RAP1GDS1: variants seen among roughly 807,000 people sequenced by gnomAD.
The protein encoded by RAP1GDS1 is RAP1, GTP-GDP dissociation stimulator 1.
In RAP1GDS1, 35 loss-of-function variants were observed where a neutral mutation model predicts 71.1. The ratio of observed to expected loss-of-function variants is 0.49; its 90% CI spans 0.38 to 0.65. The LOEUF (loss-of-function observed/expected upper bound fraction) is 0.65, where lower values mean the gene tolerates loss of function less well. RAP1GDS1 is among the 30% of genes least tolerant of loss of function. The probability of loss-of-function intolerance (pLI) is 0.00; values close to 1 mark genes in which losing one functional copy is unlikely to be tolerated. For missense variants in RAP1GDS1, 663 were observed against 706.1 expected, an observed-to-expected ratio of 0.94 and a Z score of 0.69; for synonymous variants, 229 against 243.1, an observed-to-expected ratio of 0.94 and a Z score of 0.54.
intron 6 of RAP1GDS1, among the ~76,000 whole-genome samples, chr4:98,403,831 A>G (rs750816303): frequency 1.3e-5 from 2 of 152,210 alleles, no homozygotes; most frequent in East Asian, 1.9e-4. Flanking sequence ...TTAGTAATGC[A>G]TGTGAGTTGA....
chr4:98,357,558 A>G (rs1161973682), intron 4 of RAP1GDS1, among the ~76,000 whole-genome samples: 1 of 151,938 alleles, frequency 6.6e-6, no homozygotes, highest in Non-Finnish European at 1.5e-5. Context: ...ATATGCCATT[A>G]AAGAGCTTTT....
At position 98,428,709 on chromosome 4, in the gene RAP1GDS1, C is replaced by A. The variant is rs565425135; in HGVS notation, c.1441-5227C>A. Among the ~76,000 whole-genome samples, 117 of 152,192 alleles carry A rather than the reference C, an allele frequency of 7.7e-4. 1 individual carries two copies. The highest frequency in any genetic ancestry group is 1.2e-3 in the Admixed American group (18 of 15,294). ...AAAATAATAGATGTTGGCATGGATG[C>A]AGTGAATAGGGAATACTTCTACACT... On this transcript the variant is annotated intron_variant, in intron 12 of 14. Transcript: ENST00000408927.
chr4:98,345,388 T>A (rs1736078922), intron 3 of RAP1GDS1, among the ~76,000 whole-genome samples: 1 of 152,228 alleles, frequency 6.6e-6, no homozygotes, highest in Admixed American at 6.5e-5. Flanking sequence ...CTTTAAAAAT[T>A]AACACACCTT....
intron 4 of RAP1GDS1, among the ~76,000 whole-genome samples, chr4:98,377,186 G>A (rs1287576416): frequency 1.3e-5 from 2 of 151,780 alleles, no homozygotes; most frequent in African/African-American, 2.4e-5. Context: ...TATTTCAAAA[G>A]CCCAGTTTAC....
intron 1 of RAP1GDS1, among the ~76,000 whole-genome samples, chr4:98,290,435 TAA>T (rs1041729362): frequency 6.6e-6 from 1 of 152,122 alleles, no homozygotes; most frequent in Non-Finnish European, 1.5e-5. Flanking sequence ...ATTTAAATAT[TAA>T]AACAGCATCA....
chr4:98,306,684 G>C (rs1578377579), intron 2 of RAP1GDS1, among the ~76,000 whole-genome samples: 1 of 152,218 alleles, frequency 6.6e-6, no homozygotes, highest in Non-Finnish European at 1.5e-5. Context: ...AAAGAAAATA[G>C]CTTTAAGTAA....
intron 2 of RAP1GDS1, among the ~76,000 whole-genome samples, chr4:98,321,687 A>G (rs1731933948): frequency 7.2e-6 from 1 of 138,058 alleles, no homozygotes; most frequent in Non-Finnish European, 1.6e-5. Flanking sequence ...TAAGTGAAGG[A>G]GAAATAAAAT....
At chr4:98,308,170 GTGTA>G (rs1022340762) in intron 2 of RAP1GDS1, among the ~76,000 whole-genome samples, 6 of 150,694 alleles carry the variant, frequency 4.0e-5, no homozygotes, top group African/African-American at 1.2e-4. Context: ...GTGTGTGTGT[GTGTA>G]TGTATGTGTA....
intron 5 of RAP1GDS1, among the ~76,000 whole-genome samples, chr4:98,381,875 A>G (rs552570414): frequency 6.6e-6 from 1 of 151,658 alleles, no homozygotes; most frequent in Middle Eastern, 3.4e-3. Flanking sequence ...AAATCCACCA[A>G]CATAGTTTCC....
intron 5 of RAP1GDS1, among the ~76,000 whole-genome samples, chr4:98,386,085 A>G (rs1486988643): frequency 2.0e-5 from 3 of 151,938 alleles, no homozygotes; most frequent in Admixed American, 2.0e-4. Flanking sequence ...AACTTAAAAG[A>G]CCAGTTTTTT....
Position 98,286,886 on chromosome 4 carries a change from T to TAA in RAP1GDS1, c.5-6499_5-6498dup, listed in dbSNP as rs778410316. The stretch of plus-strand genomic sequence containing the variant: ...GGGCAACGAGAGTGAAACTCCGTCT[T>TAA]AAAAAAAAAAAAAAAAAAAAAAAAG... On this transcript the variant is annotated intron_variant, in intron 1 of 14. Coordinates refer to ENST00000408927, the MANE Select transcript of RAP1GDS1 (RefSeq NM_001100427.2). Among the ~76,000 whole-genome samples, 336 of 90,130 alleles carry TAA rather than the reference T, an allele frequency of 3.7e-3. 4 individuals carry two copies. Among genetic ancestry groups the TAA allele is most frequent in the African/African-American group, 0.01 (257 of 24,832 alleles). The allele number at this position is 90,130 out of a possible 152,430, so 59.1% of individuals were successfully genotyped here.
At chr4:98,361,068 C>A (rs1290724301) in intron 4 of RAP1GDS1, among the ~76,000 whole-genome samples, 1 of 141,498 alleles carries the variant, frequency 7.1e-6, no homozygotes, top group Non-Finnish European at 1.5e-5. Context: ...CGGAGTGAGA[C>A]TCTGTCTCAA....
Position 98,293,502 on chromosome 4 carries a change from C to T in RAP1GDS1, c.99C>T (p.Ala33=), listed in dbSNP as rs1270881859. The T allele has an allele frequency of 3.1e-6, 5 of 1,603,364 alleles. No individual in the cohort carries two copies. The highest frequency in any genetic ancestry group is 4.3e-6 in the Non-Finnish European group (5 of 1,174,912). Residue 33 remains alanine, a synonymous_variant, in exon 2 of 15, where the codon GCC becomes GCT. Transcript: ENST00000408927. The stretch of plus-strand genomic sequence containing the variant: ...GATGCTTGGATTGTCTGCTTCAAGC[C>T]CTGGCTCAAAATAGTAAGTTTCATT... ...LEGCLDCLLQ[A]LAQNNTETSE...
intron 1 of RAP1GDS1, among the ~76,000 whole-genome samples, chr4:98,283,311 T>C (rs1217228460): frequency 6.6e-6 from 1 of 152,160 alleles, no homozygotes; most frequent in Non-Finnish European, 1.5e-5. Context: ...GATTTTCCTT[T>C]AGTTGCAGAA....
chr4:98,343,292 G>T lies in RAP1GDS1; in HGVS notation c.235+31G>T, dbSNP rs775654791. ...GTTTACCTCAAGAACTTTTCTGCTG[G>T]GAACGTCTTCAGTTTTACATCTTAC... On this transcript the variant is annotated intron_variant, in intron 3 of 14. Coordinates refer to ENST00000408927, the MANE Select transcript of RAP1GDS1 (RefSeq NM_001100427.2). 4 of 1,558,850 alleles carry T rather than the reference G, an allele frequency of 2.6e-6. No homozygotes were observed. The Admixed American group carries it at 5.0e-5, about 20-fold the overall frequency.
At chr4:98,377,565 T>C (rs1452619410) in intron 4 of RAP1GDS1, among the ~76,000 whole-genome samples, 5 of 151,786 alleles carry the variant, frequency 3.3e-5, no homozygotes, top group Non-Finnish European at 2.9e-5. Context: ...TTCATTTTAG[T>C]GTGGATTTCC....
intron 4 of RAP1GDS1, among the ~76,000 whole-genome samples, chr4:98,372,969 C>T (rs1484423578): frequency 6.6e-6 from 1 of 152,202 alleles, no homozygotes; most frequent in African/African-American, 2.4e-5. Context: ...AGATTATAGG[C>T]GTGAGCCACT....
chr4:98,410,713 CAT>C (rs1171891140), intron 7 of RAP1GDS1, among the ~76,000 whole-genome samples: 2 of 152,050 alleles, frequency 1.3e-5, no homozygotes, highest in African/African-American at 4.8e-5. Context: ...GGATGAATCT[CAT>C]AATGTTGAAA....
chr4:98,341,049 A>T (rs1389715777), intron 2 of RAP1GDS1, among the ~76,000 whole-genome samples: 5 of 152,100 alleles, frequency 3.3e-5, no homozygotes, highest in Non-Finnish European at 7.4e-5. Context: ...AAAAAAATAC[A>T]CTTTGTAGTT....
Sources: allele counts gnomAD v4.1 joint callset (sites outside exome capture counted in the v4.1 genomes callset), GRCh38; gene constraint gnomAD v4.1.1; transcripts MANE v1.5; gene names NCBI Gene and HGNC (gene_info 2026-07-23, HGNC 2026-07-21).